The following MYT1L variants were observed in gnomAD, a reference collection of about 807,000 sequenced individuals.
MYT1L encodes the protein myelin transcription factor 1-like protein.
MYT1L carries 12 observed loss-of-function variants against 126.7 expected under a neutral mutation model. The ratio of observed to expected loss-of-function variants is 0.09; its 90% CI spans 0.06 to 0.15. The LOEUF (loss-of-function observed/expected upper bound fraction) is 0.15. Ranked by LOEUF, MYT1L falls within the 10% of genes least tolerant of loss-of-function variation. MYT1L has a pLI of 1.00. For missense variants in MYT1L, 979 were observed against 1,585.2 expected (o/e 0.62, Z 6.49); for synonymous variants, 541 against 604.2 (o/e 0.90, Z 1.53).
intron 21 of MYT1L, among the ~76,000 whole-genome samples, chr2:1,832,582 G>A (rs2040336076): frequency 6.6e-6 from 1 of 152,140 alleles, no homozygotes; most frequent in Middle Eastern, 3.2e-3. Flanking sequence ...TGGAGGTCTA[G>A]CCCTCATCAT....
chr2:2,139,778 T>C (rs942569548), intron 3 of MYT1L, among the ~76,000 whole-genome samples: 1 of 152,216 alleles, frequency 6.6e-6, no homozygotes, highest in African/African-American at 2.4e-5. Context: ...TGGCAAGTGC[T>C]GCTTACTCTT....
At chr2:2,281,555 T>G (rs1203042283) in intron 2 of MYT1L, among the ~76,000 whole-genome samples, 1 of 152,198 alleles carries the variant, frequency 6.6e-6, no homozygotes, top group Non-Finnish European at 1.5e-5. Context: ...ATGTGTTGCT[T>G]TATAGAGATT....
chr2:1,959,401 G>T (rs2058775231), intron 8 of MYT1L, among the ~76,000 whole-genome samples: 1 of 152,086 alleles, frequency 6.6e-6, no homozygotes. Flanking sequence ...GTCCCTCCTG[G>T]AGAGTAGAGA....
At chr2:2,138,682 T>G in intron 3 of MYT1L, among the ~76,000 whole-genome samples, 1 of 100,416 alleles carries the variant, frequency 1.0e-5, no homozygotes, top group African/African-American at 4.0e-5. Context: ...CATCACACTC[T>G]GGGGACTGTT....
chr2:1,961,946 G>A (rs1326900185), intron 8 of MYT1L, among the ~76,000 whole-genome samples: 1 of 152,198 alleles, frequency 6.6e-6, no homozygotes, highest in Non-Finnish European at 1.5e-5. Flanking sequence ...AAAATAGCTA[G>A]AAGAGAATAA....
chr2:2,167,052 T>C (rs1451109198), intron 3 of MYT1L, among the ~76,000 whole-genome samples: 2 of 152,182 alleles, frequency 1.3e-5, no homozygotes, highest in Non-Finnish European at 2.9e-5. Context: ...CCGTCTTTTA[T>C]GGCGAGGCAA....
At chr2:1,842,485 C>G (rs186155097) in intron 19 of MYT1L, 1 of 152,250 alleles carries the variant, frequency 6.6e-6, no homozygotes, top group African/African-American at 2.4e-5. Context: ...AAAGAGGCGG[C>G]GAGGCGAGGG....
At chr2:2,116,533 G>A (rs1173652847) in intron 3 of MYT1L, among the ~76,000 whole-genome samples, 2 of 152,184 alleles carry the variant, frequency 1.3e-5, no homozygotes, top group Non-Finnish European at 2.9e-5. Context: ...TCCAGAGTGG[G>A]TCCCCAGTGA....
intron 1 of MYT1L, among the ~76,000 whole-genome samples, chr2:2,295,581 G>C (rs867012207): frequency 1.1e-3 from 39 of 34,004 alleles, no homozygotes; most frequent in African/African-American, 2.6e-3. Context: ...GAGAGAGAGA[G>C]AGACAGACAG....
intron 23 of MYT1L, among the ~76,000 whole-genome samples, chr2:1,795,102 G>C (rs574921650): frequency 6.6e-6 from 1 of 152,346 alleles, no homozygotes; most frequent in East Asian, 1.9e-4. Flanking sequence ...ACACACGTTT[G>C]CTTCCCTGAG....
intron 1 of MYT1L, chr2:2,303,539 G>C (rs986787244): frequency 2.6e-5 from 4 of 152,298 alleles, no homozygotes; most frequent in African/African-American, 9.7e-5. Flanking sequence ...GTCAGGATGA[G>C]GGATCTAGTC....
chr2:2,221,723 T>C (rs1047864272), intron 2 of MYT1L, among the ~76,000 whole-genome samples: 1 of 152,220 alleles, frequency 6.6e-6, no homozygotes, highest in African/African-American at 2.4e-5. Context: ...TCTTTTGCTC[T>C]AAACTTCAGT....
At chr2:2,103,542 G>A (rs1006792013) in intron 3 of MYT1L, among the ~76,000 whole-genome samples, 1 of 152,252 alleles carries the variant, frequency 6.6e-6, no homozygotes, top group South Asian at 2.1e-4. Context: ...GATGCCATCT[G>A]ATGCACCGAG....
intron 23 of MYT1L, among the ~76,000 whole-genome samples, chr2:1,798,191 C>T (rs1261050727): frequency 2.1e-5 from 1 of 47,684 alleles, no homozygotes; most frequent in Non-Finnish European, 4.8e-5. Context: ...GCGGCGGTCT[C>T]CCTCTTCTCC....
chr2:2,051,207 G>A (rs2068789038), intron 4 of MYT1L, among the ~76,000 whole-genome samples: 1 of 152,172 alleles, frequency 6.6e-6, no homozygotes, highest in Non-Finnish European at 1.5e-5. Context: ...GCAGCTGTAC[G>A]TGACAACTGA....
intron 3 of MYT1L, among the ~76,000 whole-genome samples, chr2:2,153,428 G>A (rs1313229854): frequency 1.3e-5 from 2 of 152,166 alleles, no homozygotes; most frequent in South Asian, 4.1e-4. Context: ...TGGAGGTGCT[G>A]GGCCAGAGTC....
chr2:1,813,760 G>T (rs1361031472), intron 21 of MYT1L, among the ~76,000 whole-genome samples: 2 of 151,528 alleles, frequency 1.3e-5, no homozygotes, highest in African/African-American at 4.9e-5. Context: ...GGGCGCGGTG[G>T]CTCACGCCTG....
At chr2:2,159,338 C>G (rs887382130) in intron 3 of MYT1L, among the ~76,000 whole-genome samples, 4 of 152,124 alleles carry the variant, frequency 2.6e-5, no homozygotes, top group African/African-American at 7.2e-5. Flanking sequence ...TCTTAGGTGT[C>G]GGCACTGAAC....
rs80042229 is a variant in MYT1L, at chr2:2,027,732, C to T, written c.-158+26246G>A. On this transcript the variant is annotated intron_variant, in intron 4 of 24. Transcript: ENST00000647738. ...TTAACTTAGCGCTTCCATTACTGGG[C>T]GATACTGGGCCACCTGGGTGACATC... 4.6e-3 allele frequency among the ~76,000 whole-genome samples: 706 copies of T among 152,256 alleles called. 4 individuals carry two copies. Among genetic ancestry groups the T allele is most frequent in the African/African-American group, 0.016 (682 of 41,550 alleles).
Sources: gnomAD v4.1 joint callset for allele counts (sites outside exome capture counted in the v4.1 genomes callset) on GRCh38, gnomAD v4.1.1 for gene constraint, MANE v1.5 for transcripts, NCBI Gene and HGNC (gene_info 2026-07-23, HGNC 2026-07-21) for gene names.